PRRC2A: variants seen among roughly 807,000 people sequenced by gnomAD.
The protein encoded by PRRC2A is protein PRRC2A.
A neutral mutation model predicts 224.6 loss-of-function variants in PRRC2A; 59 were observed. The ratio of observed to expected loss-of-function variants is 0.26; its 90% CI spans 0.21 to 0.33. The LOEUF is 0.33. PRRC2A is among the 10% of genes least tolerant of loss of function. PRRC2A has a pLI of 1.00. For missense variants in PRRC2A, 3,095 were observed against 2,880.7 expected (o/e 1.07, Z -1.70); for synonymous variants, 1,194 against 1,109.5 (o/e 1.08, Z -1.51).
Position 31,629,679 on chromosome 6 carries a change from A to G in PRRC2A, c.2088A>G (p.Pro696=). The G allele has an allele frequency of 2.5e-6, 4 of 1,574,572 alleles. No individual in the cohort carries two copies. Among genetic ancestry groups the G allele is most frequent in the Non-Finnish European group, 3.5e-6 (4 of 1,159,250 alleles). ...TLGAVPAPQA[P]PPPPKALYPG... The stretch of plus-strand genomic sequence containing the variant: ...GGGCTGTGCCAGCTCCACAGGCTCC[A>G]CCCCCGCCCCCCAAGGCCCTGTACC... Residue 696 remains proline, a synonymous_variant, in exon 14 of 31, where the codon CCA becomes CCG. Transcript: ENST00000376033.
rs1318878573 is a variant in PRRC2A, at chr6:31,632,564, A to C, written c.3891A>C (p.Pro1297=). ...CCCTCACAACAGTCACAGTGGCCCC[A>C]GCACCTCGCCGGGCAGCTGCCAAGT... The part of the protein sequence containing the change: ...EEALTTVTVA[P]APRRAAAKSP... Residue 1297 remains proline, a synonymous_variant, in exon 16 of 31, where the codon CCA becomes CCC. Coordinates refer to ENST00000376033, the MANE Select transcript of PRRC2A (RefSeq NM_004638.4). 6.2e-7 allele frequency: 1 copy of C among 1,612,416 alleles called. No homozygotes were observed.
Position 31,636,148 on chromosome 6 carries a change from C to G in PRRC2A, c.5625-61C>G, listed in dbSNP as rs1016576695. 2 of 1,568,804 alleles carry G rather than the reference C, an allele frequency of 1.3e-6. No homozygotes were observed. Among genetic ancestry groups the G allele is most frequent in the African/African-American group, 1.4e-5 (1 of 73,996 alleles). On this transcript the variant is annotated intron_variant, in intron 25 of 30. Transcript: ENST00000376033. This position sits in a 1 kb window ranked among gnomAD's most constrained non-coding sequence, Gnocchi z 4.3. ...TTCTAGGGTACTAGAAGCTAGTGGACTTAAGGCATTGCTAGGACTCTGGCT... is the reference window on the plus strand; with the variant it reads ...TTCTAGGGTACTAGAAGCTAGTGGAGTTAAGGCATTGCTAGGACTCTGGCT...
At chr6:31,635,093 T>G in intron 21 of PRRC2A, 39 bp from the exon 22 acceptor site, 1 of 1,604,890 alleles carries the variant, frequency 6.2e-7, no homozygotes, top group Non-Finnish European at 8.5e-7. Context: ...GGATTTCCCT[T>G]TCCCTCCCCC....
Position 31,632,642 on chromosome 6 carries a change from T to C in PRRC2A, c.3969T>C (p.Thr1323=). Residue 1323 remains threonine, a synonymous_variant, in exon 16 of 31, where the codon ACT becomes ACC. Coordinates refer to ENST00000376033, the MANE Select transcript of PRRC2A (RefSeq NM_004638.4). ...NSDQANEEWE[T]ASESSDFTSE... ...ACCAAGCCAATGAGGAATGGGAGAC[T>C]GCATCAGAGAGCAGTGACTTCACCA... The C allele has an allele frequency of 1.9e-6, 3 of 1,613,098 alleles. No individual in the cohort carries two copies. The highest frequency in any genetic ancestry group is 1.1e-5 in the South Asian group (1 of 91,088).
Position 31,634,253 on chromosome 6 carries a change from T to G in PRRC2A, c.4737T>G (p.Pro1579=). The part of the protein sequence containing the change: ...ELLQEESLPP[P]HSSGFLGSKP... The stretch of plus-strand genomic sequence containing the variant: ...ATCTGTAGGAATCTTTGCCACCTCC[T>G]CATAGCTCTGGATTCTTGGGCTCTA... The change falls in exon 19 of 31, where the codon CCT becomes CCG. Residue 1579 remains proline (P), a synonymous_variant. Transcript: ENST00000376033. 6.3e-7 allele frequency: 1 copy of G among 1,588,984 alleles called. No homozygotes were observed. The highest frequency in any genetic ancestry group is 8.5e-7 in the Non-Finnish European group (1 of 1,173,856).
Position 31,637,062 on chromosome 6 carries a change from G to C in PRRC2A, c.6168G>C (p.Lys2056Asn), listed in dbSNP as rs1179316984. 6 of 1,607,748 alleles carry C rather than the reference G, an allele frequency of 3.7e-6. No individual in the cohort carries two copies. In the East Asian group the frequency reaches 1.3e-4, roughly 36 times the overall value. The change falls in exon 29 of 31, where the codon AAG (lysine) becomes AAC (asparagine). Residue 2056 changes from lysine (K) to asparagine (N), a missense_variant. This residue lies in a region of PRRC2A where 662 missense variants were observed against 609.5 expected (regional missense o/e 1.09). Transcript: ENST00000376033. ...GRAELHPVEL[K>N]PFQDYQKLSS... ...CTCAGCTGCATCCAGTGGAACTAAA[G>C]CCGTTCCAGGATTATCAAAAACTGA...
chr6:31,623,042 T>C (rs749805313), intron 2 of PRRC2A, 141 bp downstream of exon 2: 1 of 808,826 alleles, frequency 1.2e-6, no homozygotes, highest in East Asian at 2.4e-5. Context: ...CACTGGGTCC[T>C]TTAAAGGGGG....
At chr6:31,620,898 C>A in intron 1 of PRRC2A, 40 bp downstream of exon 1, 1 of 152,598 alleles carries the variant, frequency 6.6e-6, no homozygotes, top group Non-Finnish European at 1.5e-5. Flanking sequence ...CCTTTTCCGG[C>A]GCGGGAGAGG....
rs530401550 is a variant in PRRC2A, at chr6:31,637,613, G to A, written c.*27G>A. The stretch of plus-strand genomic sequence containing the variant: ...GGAGTTCCTCTTGCCCCCTACCCCC[G>A]GGGCTTGTATATAGATTATAAATAT... On this transcript the variant is annotated 3_prime_UTR_variant, in exon 31 of 31. Coordinates refer to ENST00000376033, the MANE Select transcript of PRRC2A (RefSeq NM_004638.4). The A allele has an allele frequency of 2.3e-5, 35 of 1,492,302 alleles. No homozygotes were observed. The South Asian group carries it at 2.5e-4, about 11-fold the overall frequency. The allele number at this position is 1,492,302 out of a possible 1,614,324, so 92.4% of individuals were successfully genotyped here.
At position 31,632,463 on chromosome 6, in the gene PRRC2A, C is replaced by A. The variant is rs773820452; in HGVS notation, c.3790C>A (p.Arg1264=). 6.2e-7 allele frequency: 1 copy of A among 1,606,102 alleles called. No individual in the cohort carries two copies. Among genetic ancestry groups the A allele is most frequent in the Non-Finnish European group, 8.5e-7 (1 of 1,175,278 alleles). Residue 1264 remains arginine, a synonymous_variant, in exon 16 of 31, where the codon CGG becomes AGG. Coordinates refer to ENST00000376033, the MANE Select transcript of PRRC2A (RefSeq NM_004638.4). ...TCGTTTCCGGAGGCTGAAGCAGGAA[C>A]GGGAGAATGCCGCAAGGGGGTCTGA... ...PPRFRRLKQE[R]ENAARGSEGK...
rs769462450 is a variant in PRRC2A at position 31,631,338 on chromosome 6, G to A, written c.2665G>A (p.Glu889Lys). 6.2e-7 allele frequency: 1 copy of A among 1,602,104 alleles called. No individual in the cohort carries two copies. Among genetic ancestry groups the A allele is most frequent in the East Asian group, 2.2e-5 (1 of 44,684 alleles). The change falls in exon 16 of 31, where the codon GAG becomes AAG. Residue 889 changes from glutamate (E) to lysine (K), a missense_variant. Physicochemically the swap from Glu to Lys is moderately conservative, Grantham distance 56. Transcript: ENST00000376033. The surrounding 1 kb of genome is among the most constrained non-coding windows in gnomAD (Gnocchi z 4.5). ...PPPKKEPPKE[E>K]TAQLTGPEAG... ...ACCCAAGAAGGAGCCCCCTAAGGAG[G>A]AGACTGCACAGCTGACGGGGCCAGA...
In PRRC2A at chr6:31,636,889, A is replaced by G. The variant is rs778933353; in HGVS notation, c.6091A>G (p.Thr2031Ala). ...TGTGCGGCCCCCACCTGCTCCTGCTACTCGGGTGCTGCCTTCACCTGCCAG... is the reference window on the plus strand; with the variant it reads ...TGTGCGGCCCCCACCTGCTCCTGCTGCTCGGGTGCTGCCTTCACCTGCCAG... ...LAVRPPPAPA[T>A]RVLPSPARPF... Residue 2031 changes from threonine to alanine, a missense_variant, in exon 28 of 31, where the codon ACT becomes GCT. Thr to Ala is a moderately conservative substitution (Grantham distance 58). Coordinates refer to ENST00000376033, the MANE Select transcript of PRRC2A (RefSeq NM_004638.4). The surrounding 1 kb of genome is among the most constrained non-coding windows in gnomAD (Gnocchi z 4.3). 6.2e-7 allele frequency: 1 copy of G among 1,612,722 alleles called. No homozygotes were observed. Among genetic ancestry groups the G allele is most frequent in the Admixed American group, 1.7e-5 (1 of 60,000 alleles).
In PRRC2A at chr6:31,635,287, G is replaced by T; in HGVS notation, c.5301+15G>T. 1 of 1,613,942 alleles carries T rather than the reference G, an allele frequency of 6.2e-7. No individual in the cohort carries two copies. Among genetic ancestry groups the T allele is most frequent in the East Asian group, 2.2e-5 (1 of 44,872 alleles). On this transcript the variant is annotated intron_variant, in intron 22 of 30. Coordinates refer to ENST00000376033, the MANE Select transcript of PRRC2A (RefSeq NM_004638.4). ...CTAGTGACAAGGTCTGTGTGGGCTG[G>T]ATCTGGGTATCCTGAGTTGGGTGGA... is the stretch of plus-strand genomic sequence containing the variant.
chr6:31,635,616 C>T lies in PRRC2A; in HGVS notation c.5408C>T (p.Pro1803Leu). ...GTATCACGAGACTGGGAGCTGCTTC[C>T]CAGTGCTGCTGCCTCTGCTGAGCCA... ...IPVSRDWELL[P>L]SAAASAEPQS... Residue 1803 changes from proline (P) to leucine (L), a missense_variant, in exon 24 of 31, where the codon CCC becomes CTC. By Grantham distance (98) the Pro-to-Leu change is moderately conservative (BLOSUM62 -3). This residue lies in a region of PRRC2A where 662 missense variants were observed against 609.5 expected (regional missense o/e 1.09). Transcript: ENST00000376033. 1 of 1,612,376 alleles carries T rather than the reference C, an allele frequency of 6.2e-7. No individual in the cohort carries two copies. Among genetic ancestry groups the T allele is most frequent in the Non-Finnish European group, 8.5e-7 (1 of 1,179,670 alleles).
chr6:31,632,765 T>C lies in PRRC2A; in HGVS notation c.4092T>C (p.Gly1364=). 1 of 1,613,038 alleles carries C rather than the reference T, an allele frequency of 6.2e-7. No individual in the cohort carries two copies. The change falls in exon 16 of 31, where the codon GGT becomes GGC. Residue 1364 remains glycine (G), a synonymous_variant. Transcript: ENST00000376033. ...GAGGTGGAGGTGGAGCCGTACCAGG[T>C]ATTTCAGCCATGTCCCGCGGAGATC... ...PGGGGGGAVP[G]ISAMSRGDLS...
chr6:31,632,564 A>G lies in PRRC2A; in HGVS notation c.3891A>G (p.Pro1297=). The G allele has an allele frequency of 1.9e-6, 3 of 1,612,416 alleles. No individual in the cohort carries two copies. Among genetic ancestry groups the G allele is most frequent in the Admixed American group, 1.7e-5 (1 of 59,986 alleles). The change falls in exon 16 of 31, where the codon CCA becomes CCG. Residue 1297 remains proline, a synonymous_variant. Coordinates refer to ENST00000376033, the MANE Select transcript of PRRC2A (RefSeq NM_004638.4). ...CCCTCACAACAGTCACAGTGGCCCC[A>G]GCACCTCGCCGGGCAGCTGCCAAGT... ...EEALTTVTVA[P]APRRAAAKSP...
intron 1 of PRRC2A, 143 bp from the exon 2 acceptor site, chr6:31,622,547 A>G (rs371510949): frequency 8.8e-6 from 4 of 454,798 alleles, no homozygotes; most frequent in South Asian, 4.4e-5. Flanking sequence ...CATTTGAGCT[A>G]TGAGGGAGCT....
In PRRC2A at chr6:31,632,709, C is replaced by T; in HGVS notation, c.4036C>T (p.Leu1346=). The stretch of plus-strand genomic sequence containing the variant: ...CAAAGAGGCACCCCCACCAGTACTG[C>T]TGACACCCAAGGCTGTGGGAACTCC... ...GDKEAPPPVL[L]TPKAVGTPGG... The change falls in exon 16 of 31, where the codon CTG becomes TTG. Residue 1346 remains leucine (L), a synonymous_variant. Transcript: ENST00000376033. The T allele has an allele frequency of 1.2e-6, 2 of 1,613,146 alleles. No individual in the cohort carries two copies. Among genetic ancestry groups the T allele is most frequent in the Non-Finnish European group, 1.7e-6 (2 of 1,180,040 alleles).
chr6:31,626,832 G>A lies in PRRC2A; in HGVS notation c.1043G>A (p.Arg348Gln), dbSNP rs778312438. The change falls in exon 10 of 31, where the codon CGA (arginine) becomes CAA (glutamine). Residue 348 changes from arginine (R) to glutamine (Q), a missense_variant. Coordinates refer to ENST00000376033, the MANE Select transcript of PRRC2A (RefSeq NM_004638.4). Reference protein sequence around the residue: ...KLKFSDEEDGRDSDEEGAEGH... With the variant: ...KLKFSDEEDGQDSDEEGAEGH... ...AAGTTCAGCGATGAGGAAGATGGGC[G>A]AGACTCTGATGAGGAGGGTGCTGAG... is the stretch of plus-strand genomic sequence containing the variant. 12 of 1,605,488 alleles carry A rather than the reference G, an allele frequency of 7.5e-6. No homozygotes were observed. Among genetic ancestry groups the A allele is most frequent in the Middle Eastern group, 1.7e-4 (1 of 6,052 alleles).
Sources: allele counts gnomAD v4.1 joint callset, GRCh38; gene constraint gnomAD v4.1.1; regional missense constraint gnomAD v4.1.1; non-coding constraint Gnocchi (gnomAD v3.1); transcripts MANE v1.5; gene names NCBI Gene and HGNC (gene_info 2026-07-23, HGNC 2026-07-21).